The following PTPRD variants were observed in gnomAD, a reference collection of about 807,000 sequenced individuals.
PTPRD encodes the protein receptor-type tyrosine-protein phosphatase delta.
PTPRD carries 34 observed loss-of-function variants against 214.5 expected under a neutral mutation model. That is an observed-to-expected ratio of 0.16 (90% CI 0.12 to 0.21). The LOEUF (loss-of-function observed/expected upper bound fraction) is 0.21, where lower values mean the gene tolerates loss of function less well. PTPRD is among the 10% of genes least tolerant of loss of function. PTPRD has a pLI of 1.00. For missense variants in PTPRD, 2,545 were observed against 2,398.7 expected (o/e 1.06, Z -1.27); for synonymous variants, 1,128 against 845.7 (o/e 1.33, Z -5.79).
chr9:8,999,500 T>G (rs2099409562), intron 11 of PTPRD, among the ~76,000 whole-genome samples: 1 of 152,090 alleles, frequency 6.6e-6, no homozygotes, highest in Admixed American at 6.6e-5. Flanking sequence ...ATCAAACACT[T>G]AATAGACTAC....
At chr9:9,357,072 G>T (rs2054087108) in intron 9 of PTPRD, among the ~76,000 whole-genome samples, 1 of 151,244 alleles carries the variant, frequency 6.6e-6, no homozygotes, top group African/African-American at 2.4e-5. Context: ...TCCGTCAGTA[G>T]ACTTTAATTC....
chr9:9,942,075 A>C (rs1423328364), intron 4 of PTPRD, among the ~76,000 whole-genome samples: 1 of 152,208 alleles, frequency 6.6e-6, no homozygotes, highest in Non-Finnish European at 1.5e-5. Flanking sequence ...AAGCCACAGG[A>C]AATAGTACAC....
chr9:10,002,986 A>C (rs1411910537), intron 4 of PTPRD, among the ~76,000 whole-genome samples: 2 of 151,666 alleles, frequency 1.3e-5, no homozygotes, highest in Admixed American at 1.3e-4. Context: ...TAAATGAAAG[A>C]CCACCAACTA....
intron 14 of PTPRD, among the ~76,000 whole-genome samples, chr9:8,532,477 C>T (rs2075964997): frequency 6.6e-6 from 1 of 152,000 alleles, no homozygotes; most frequent in South Asian, 2.1e-4. Context: ...TCCTTAATAA[C>T]TTAACCACAC....
intron 9 of PTPRD, among the ~76,000 whole-genome samples, chr9:9,340,230 C>T (rs1241872184): frequency 6.6e-6 from 1 of 151,968 alleles, no homozygotes; most frequent in Non-Finnish European, 1.5e-5. Context: ...AAATGCCTCC[C>T]GTTTAAGACA....
At chr9:9,093,365 A>G (rs553301419) in intron 10 of PTPRD, among the ~76,000 whole-genome samples, 6 of 152,226 alleles carry the variant, frequency 3.9e-5, no homozygotes, top group Admixed American at 2.6e-4. Flanking sequence ...CCTCTATCCA[A>G]TAACGGCAGA....
intron 43 of PTPRD, among the ~76,000 whole-genome samples, chr9:8,331,977 G>T (rs1841814799): frequency 6.6e-6 from 1 of 150,560 alleles, no homozygotes; most frequent in Admixed American, 6.6e-5. Flanking sequence ...TACTCTTGCA[G>T]TGCCCAGTTA....
intron 2 of PTPRD, among the ~76,000 whole-genome samples, chr9:10,343,989 T>TC (rs1327421446): frequency 7.2e-6 from 1 of 139,004 alleles, no homozygotes; most frequent in Non-Finnish European, 1.5e-5. Flanking sequence ...TTTTTTTTTT[T>TC]TTTTTTTTTT....
chr9:10,009,766 T>C (rs1288948068), intron 4 of PTPRD, among the ~76,000 whole-genome samples: 1 of 151,984 alleles, frequency 6.6e-6, no homozygotes, highest in African/African-American at 2.4e-5. Context: ...TATGTCAAAG[T>C]ATATTTTGGG....
intron 11 of PTPRD, among the ~76,000 whole-genome samples, chr9:8,945,329 AT>A (rs60081014): frequency 0.14 from 21,540 of 151,984 alleles, 1,886 homozygotes; most frequent in Non-Finnish European, 0.2. Context: ...TTGGAAAAAA[AT>A]CTCTTTCCTT....
intron 4 of PTPRD, among the ~76,000 whole-genome samples, chr9:10,000,684 C>G (rs2096285207): frequency 6.6e-6 from 1 of 152,192 alleles, no homozygotes; most frequent in South Asian, 2.1e-4. Context: ...CATTTCTTTT[C>G]TAACAGAAAG....
intron 10 of PTPRD, among the ~76,000 whole-genome samples, chr9:9,055,259 A>G (rs2154397205): frequency 6.6e-6 from 1 of 152,274 alleles, no homozygotes; most frequent in Admixed American, 6.5e-5. Flanking sequence ...AGTTAACAAT[A>G]TTTTATGTTC....
At chr9:9,735,385 G>A (rs185150381) in intron 6 of PTPRD, among the ~76,000 whole-genome samples, 3 of 151,998 alleles carry the variant, frequency 2.0e-5, no homozygotes, top group Admixed American at 6.6e-5. Context: ...TTTGTCTTGG[G>A]AATCGAGTTT....
At chr9:8,517,140 T>C (rs900299287) in intron 21 of PTPRD, among the ~76,000 whole-genome samples, 2 of 152,134 alleles carry the variant, frequency 1.3e-5, no homozygotes, top group African/African-American at 4.8e-5. Context: ...TGTTATTTTA[T>C]ATTAGCCCAA....
rs1013719975 is a variant in PTPRD at position 8,633,365 on chromosome 9, T to A, written c.304A>T (p.Asn102Tyr). 6.2e-7 allele frequency: 1 copy of A among 1,612,710 alleles called. No individual in the cohort carries two copies. The highest frequency in any genetic ancestry group is 8.5e-7 in the Non-Finnish European group (1 of 1,179,128). ...DEAIYECVAS[N>Y]NVGEISVSTR... Reference sequence around the variant, plus strand: ...GATACACTTATTTCTCCCACATTATTTGAGGCCACACATTCATAAATGGCC... The same window carrying A: ...GATACACTTATTTCTCCCACATTATATGAGGCCACACATTCATAAATGGCC... The change falls in exon 14 of 46, where the codon AAT becomes TAT. Residue 102 changes from asparagine to tyrosine, a missense_variant. Asn to Tyr is a moderately radical substitution (Grantham distance 143). Transcript: ENST00000381196.
chr9:9,207,852 T>C (rs2099945834), intron 9 of PTPRD, among the ~76,000 whole-genome samples: 1 of 151,764 alleles, frequency 6.6e-6, no homozygotes, highest in Non-Finnish European at 1.5e-5. Flanking sequence ...GGTGCATCCA[T>C]ATAATAGAGA....
chr9:8,466,265 C>A (rs1207720908), intron 31 of PTPRD, among the ~76,000 whole-genome samples: 1 of 151,748 alleles, frequency 6.6e-6, no homozygotes, highest in African/African-American at 2.4e-5. Flanking sequence ...GACTTAGCTC[C>A]CTGGTTAGGC....
At chr9:9,028,882 A>T (rs431062) in intron 10 of PTPRD, among the ~76,000 whole-genome samples, 74,412 of 151,208 alleles carry the variant, frequency 0.49, 19,930 homozygotes, top group Non-Finnish European at 0.62. Context: ...TTTAATTACG[A>T]TCGAAGGAGA....
chr9:10,221,346 C>A (rs115540882), intron 3 of PTPRD, among the ~76,000 whole-genome samples: 7 of 151,938 alleles, frequency 4.6e-5, no homozygotes, highest in Admixed American at 1.3e-4. Flanking sequence ...TACTCGATAT[C>A]ATTTTTATAT....
Sources: allele counts gnomAD v4.1 joint callset (sites outside exome capture counted in the v4.1 genomes callset), GRCh38; gene constraint gnomAD v4.1.1; transcripts MANE v1.5; gene names NCBI Gene and HGNC (gene_info 2026-07-23, HGNC 2026-07-21).